The following KHDRBS2 variants were observed in gnomAD, a reference collection of about 807,000 sequenced individuals.
KHDRBS2 encodes KH domain-containing, RNA-binding, signal transduction-associated protein 2.
KHDRBS2 carries 26 observed loss-of-function variants against 44.3 expected under a neutral mutation model. That is an observed-to-expected ratio of 0.59 (90% CI 0.43 to 0.81). The LOEUF (loss-of-function observed/expected upper bound fraction) is 0.81. KHDRBS2 is among the 40% of genes least tolerant of loss of function. The pLI is 0.00. For synonymous variants in KHDRBS2, 194 were observed against 151.1 expected, an observed-to-expected ratio of 1.28 and a Z score of -2.08; for missense variants, 476 against 433.1, an observed-to-expected ratio of 1.10 and a Z score of -0.88.
At chr6:61,822,798 G>T (rs1428277843) in intron 6 of KHDRBS2, among the ~76,000 whole-genome samples, 6 of 151,926 alleles carry the variant, frequency 3.9e-5, no homozygotes, top group Admixed American at 3.9e-4. Context: ...TGTGACATGG[G>T]CTATAACCTC....
chr6:61,762,209 A>G (rs1180858734), intron 6 of KHDRBS2, among the ~76,000 whole-genome samples: 4 of 152,218 alleles, frequency 2.6e-5, no homozygotes, highest in Admixed American at 6.5e-5. Flanking sequence ...AAAATCCTGC[A>G]CAACTTTTCC....
intron 8 of KHDRBS2, among the ~76,000 whole-genome samples, chr6:61,690,288 AT>A (rs1490957077): frequency 1.3e-5 from 2 of 151,788 alleles, no homozygotes; most frequent in Non-Finnish European, 2.9e-5. Flanking sequence ...TAAACAATTC[AT>A]TTTTCATATA....
At chr6:61,739,064 C>T (rs577617404) in intron 6 of KHDRBS2, among the ~76,000 whole-genome samples, 2 of 151,784 alleles carry the variant, frequency 1.3e-5, no homozygotes, top group African/African-American at 4.8e-5. Flanking sequence ...TTCATTAAAC[C>T]TTTTACTGAC....
the KHDRBS2 span, chr6:61,630,127 A>G: frequency 6.6e-6 from 1 of 152,224 alleles, no homozygotes; most frequent in Non-Finnish European, 1.5e-5. Context: ...ATGGTGACTG[A>G]AAAGTTCAAT....
intron 2 of KHDRBS2, among the ~76,000 whole-genome samples, chr6:62,170,637 T>C (rs1022954166): frequency 2.6e-5 from 4 of 152,148 alleles, no homozygotes; most frequent in African/African-American, 9.7e-5. Context: ...CCACCATGGC[T>C]GCTGGCACAT....
intron 2 of KHDRBS2, among the ~76,000 whole-genome samples, chr6:62,058,213 A>G (rs543773485): frequency 1.8e-4 from 27 of 151,996 alleles, no homozygotes; most frequent in African/African-American, 6.0e-4. Context: ...TATGTGATGC[A>G]AGGCCAGTGT....
the KHDRBS2 span, among the ~76,000 whole-genome samples, chr6:61,599,066 T>C: frequency 5.9e-5 from 9 of 151,992 alleles, no homozygotes; most frequent in South Asian, 2.1e-4. Context: ...CCTGAGTAGC[T>C]GGCATTACAG....
chr6:61,716,849 G>T (rs1771521168), intron 7 of KHDRBS2, among the ~76,000 whole-genome samples: 1 of 151,974 alleles, frequency 6.6e-6, no homozygotes, highest in Admixed American at 6.6e-5. Context: ...AACACATCAG[G>T]TTCTTTCAGA....
chr6:61,877,966 A>C (rs1487695355), intron 6 of KHDRBS2, among the ~76,000 whole-genome samples: 2 of 152,024 alleles, frequency 1.3e-5, no homozygotes, highest in African/African-American at 4.8e-5. Context: ...AGTAAAAAGA[A>C]ATATGATAAA....
In KHDRBS2 at chr6:62,249,930, G is replaced by A. The variant is rs139847841; in HGVS notation, c.91+35928C>T. 2.4e-3 allele frequency among the ~76,000 whole-genome samples: 359 copies of A among 152,126 alleles called. 3 individuals carry two copies. The highest frequency in any genetic ancestry group is 8.0e-3 in the African/African-American group (331 of 41,562). On this transcript the variant is annotated intron_variant, in intron 1 of 8. Transcript: ENST00000281156. ...AAAAGGCAGCTTCCTAGGATGTTCT[G>A]AAGATCCACTAAGGCACCAATTTTA...
chr6:61,775,393 C>A (rs1328241746), intron 6 of KHDRBS2, among the ~76,000 whole-genome samples: 1 of 152,066 alleles, frequency 6.6e-6, no homozygotes, highest in East Asian at 1.9e-4. Flanking sequence ...TAGAAAACCC[C>A]ATCATCTCAG....
chr6:62,133,617 T>C (rs1189120244), intron 2 of KHDRBS2, among the ~76,000 whole-genome samples: 1 of 152,122 alleles, frequency 6.6e-6, no homozygotes, highest in Non-Finnish European at 1.5e-5. Context: ...AACTGGGTAA[T>C]AGAGGCTGGA....
At chr6:61,757,762 G>C (rs1250036680) in intron 6 of KHDRBS2, among the ~76,000 whole-genome samples, 1 of 151,784 alleles carries the variant, frequency 6.6e-6, no homozygotes, top group East Asian at 1.9e-4. Flanking sequence ...ATAATTATTA[G>C]GTGGAACCAA....
chr6:62,165,298 GAC>G (rs951540993), intron 2 of KHDRBS2, among the ~76,000 whole-genome samples: 4 of 146,244 alleles, frequency 2.7e-5, no homozygotes, highest in East Asian at 2.0e-4. Flanking sequence ...ATTTTAATTA[GAC>G]ACAGAATTTT....
chr6:62,010,274 C>T (rs909887836), intron 3 of KHDRBS2, among the ~76,000 whole-genome samples: 2 of 152,144 alleles, frequency 1.3e-5, no homozygotes, highest in Admixed American at 6.5e-5. Flanking sequence ...CCTGTAGCAC[C>T]TTTGTTTTGG....
chr6:62,073,078 A>G (rs1048721340), intron 2 of KHDRBS2, among the ~76,000 whole-genome samples: 2 of 152,016 alleles, frequency 1.3e-5, no homozygotes, highest in African/African-American at 4.8e-5. Flanking sequence ...GGGAGGGTGT[A>G]TGTGTCGAGG....
the KHDRBS2 span, among the ~76,000 whole-genome samples, chr6:61,647,808 T>A: frequency 6.6e-6 from 1 of 152,178 alleles, no homozygotes; most frequent in African/African-American, 2.4e-5. Flanking sequence ...TTATTTTTGC[T>A]ATGAAGTACT....
the KHDRBS2 span, among the ~76,000 whole-genome samples, chr6:61,625,423 T>C: frequency 2.0e-5 from 3 of 150,630 alleles, no homozygotes; most frequent in Non-Finnish European, 4.4e-5. Flanking sequence ...AGATATCTCC[T>C]TCAAGAGAAT....
At chr6:62,077,613 T>C (rs183278904) in intron 2 of KHDRBS2, among the ~76,000 whole-genome samples, 1 of 151,946 alleles carries the variant, frequency 6.6e-6, no homozygotes, top group South Asian at 2.1e-4. Context: ...CTGTGCTGCA[T>C]CCATCTGATA....
Sources: allele counts gnomAD v4.1 joint callset (sites outside exome capture counted in the v4.1 genomes callset), GRCh38; gene constraint gnomAD v4.1.1; transcripts MANE v1.5; gene names NCBI Gene and HGNC (gene_info 2026-07-23, HGNC 2026-07-21).